FIGN: variants seen among roughly 807,000 people sequenced by gnomAD.
The protein encoded by FIGN is fidgetin.
A neutral mutation model predicts 51.3 loss-of-function variants in FIGN; 11 were observed. The observed-to-expected ratio is 0.21, with a 90% CI of 0.13 to 0.35. The LOEUF is 0.35. Ranked by LOEUF, FIGN falls within the 10% of genes least tolerant of loss-of-function variation. The probability of loss-of-function intolerance (pLI) is 1.00; values close to 1 mark genes in which losing one functional copy is unlikely to be tolerated. For synonymous variants in FIGN, 407 were observed against 363.2 expected (o/e 1.12, Z -1.37); for missense variants, 857 against 943.6 (o/e 0.91, Z 1.20).
intron 2 of FIGN, among the ~76,000 whole-genome samples, chr2:163,659,331 T>A (rs1683614132): frequency 6.6e-6 from 1 of 152,178 alleles, no homozygotes; most frequent in Admixed American, 6.5e-5. Flanking sequence ...ATAATTGAGA[T>A]GAGCTAATAT....
At chr2:163,639,484 G>A (rs1683275586) in intron 2 of FIGN, among the ~76,000 whole-genome samples, 1 of 151,984 alleles carries the variant, frequency 6.6e-6, no homozygotes, top group Non-Finnish European at 1.5e-5. Flanking sequence ...TTTTTACAGG[G>A]GAAAAAAATT....
chr2:163,657,534 A>ATGTGTG (rs1683581525), intron 2 of FIGN, among the ~76,000 whole-genome samples: 3 of 95,958 alleles, frequency 3.1e-5, no homozygotes, highest in African/African-American at 7.0e-5. Context: ...GTGTGTGTGC[A>ATGTGTG]TGCACATGAG....
At chr2:163,710,300 C>T (rs568399384) in intron 2 of FIGN, among the ~76,000 whole-genome samples, 1 of 152,222 alleles carries the variant, frequency 6.6e-6, no homozygotes, top group East Asian at 1.9e-4. Context: ...GAAAAAAATA[C>T]AAAGTAAGAT....
chr2:163,610,569 C>G lies in FIGN; in HGVS notation c.1263G>C (p.Lys421Asn), dbSNP rs190208457. 6.2e-7 allele frequency: 1 copy of G among 1,614,172 alleles called. No individual in the cohort carries two copies. Among genetic ancestry groups the G allele is most frequent in the African/African-American group, 1.3e-5 (1 of 75,030 alleles). Residue 421 changes from lysine (K) to asparagine (N), a missense_variant, in exon 3 of 3, where the codon AAG becomes AAC. This residue lies in a region of FIGN where 799 missense variants were observed against 849.5 expected (regional missense o/e 0.94). Coordinates refer to ENST00000333129, the MANE Select transcript of FIGN (RefSeq NM_018086.4). The part of the protein sequence containing the change: ...LGSRSSESFG[K>N]YTSPVMSEHG... ...GCTCACTCATTACTGGCGATGTGTA[C>G]TTCCCAAAGGATTCACTGGATCTTG... is the stretch of plus-strand genomic sequence containing the variant.
At chr2:163,699,681 A>G (rs914099102) in intron 2 of FIGN, among the ~76,000 whole-genome samples, 3 of 152,192 alleles carry the variant, frequency 2.0e-5, no homozygotes, top group African/African-American at 7.2e-5. Context: ...CTTAAGGTTC[A>G]ATTAAAGTTT....
chr2:163,659,673 A>G (rs1402167682), intron 2 of FIGN, among the ~76,000 whole-genome samples: 1 of 152,248 alleles, frequency 6.6e-6, no homozygotes, highest in African/African-American at 2.4e-5. Context: ...AAGTGAAAGA[A>G]TAGGCTAACT....
chr2:163,731,035 T>C (rs183122883), intron 2 of FIGN, among the ~76,000 whole-genome samples: 2 of 152,222 alleles, frequency 1.3e-5, no homozygotes, highest in East Asian at 1.9e-4. Flanking sequence ...TTGTTTCAAA[T>C]ACATCTAGTA....
At chr2:163,629,126 G>A (rs1683102472) in intron 2 of FIGN, among the ~76,000 whole-genome samples, 2 of 152,164 alleles carry the variant, frequency 1.3e-5, no homozygotes, top group East Asian at 3.9e-4. Flanking sequence ...GAGAGAAAGT[G>A]TGTAGAATGA....
At chr2:163,724,331 G>A (rs563918351) in intron 2 of FIGN, among the ~76,000 whole-genome samples, 20 of 152,186 alleles carry the variant, frequency 1.3e-4, no homozygotes, top group African/African-American at 4.6e-4. Flanking sequence ...AGTATATTCA[G>A]TTCTGAATAG....
At chr2:163,730,041 C>A (rs1039599816) in intron 2 of FIGN, among the ~76,000 whole-genome samples, 1 of 152,204 alleles carries the variant, frequency 6.6e-6, no homozygotes, top group African/African-American at 2.4e-5. Flanking sequence ...CTACTGTTGT[C>A]AACAGGTACT....
chr2:163,691,133 T>C (rs1684233220), intron 2 of FIGN, among the ~76,000 whole-genome samples: 1 of 152,120 alleles, frequency 6.6e-6, no homozygotes, highest in Non-Finnish European at 1.5e-5. Context: ...TTAAGAACAC[T>C]GTGCACTTTG....
intron 2 of FIGN, among the ~76,000 whole-genome samples, chr2:163,635,634 A>T (rs1683212453): frequency 6.6e-6 from 1 of 152,180 alleles, no homozygotes; most frequent in Admixed American, 6.5e-5. Flanking sequence ...TGTAAGTAGG[A>T]TTTAAAATTT....
At chr2:163,690,723 G>T (rs1184168874) in intron 2 of FIGN, among the ~76,000 whole-genome samples, 3 of 152,102 alleles carry the variant, frequency 2.0e-5, no homozygotes, top group Admixed American at 6.6e-5. Context: ...ATATATAAAA[G>T]ATTATTTTAT....
At chr2:163,699,808 T>C (rs1297239857) in intron 2 of FIGN, among the ~76,000 whole-genome samples, 1 of 152,160 alleles carries the variant, frequency 6.6e-6, no homozygotes, top group Non-Finnish European at 1.5e-5. Context: ...TTTAGTATAC[T>C]AGAGGGACCT....
rs757924225 is a variant in FIGN at position 163,611,654 on chromosome 2, A to T, written c.178T>A (p.Ser60Thr). Residue 60 changes from serine (S) to threonine (T), a missense_variant, in exon 3 of 3, where the codon TCT becomes ACT. Physicochemically the swap from Ser to Thr is moderately conservative, Grantham distance 58 (BLOSUM62 1). Transcript: ENST00000333129. ...YQYAWANDDI[S>T]ALTASNLLKK... ...AGTAGGTTGGATGCAGTCAGAGCAG[A>T]TATGTCATCATTCGCCCAGGCGTAC... 1.9e-6 allele frequency: 3 copies of T among 1,614,196 alleles called. No homozygotes were observed. In the South Asian group the frequency reaches 3.3e-5, roughly 18 times the overall value.
At chr2:163,655,151 C>T (rs1192084532) in intron 2 of FIGN, among the ~76,000 whole-genome samples, 1 of 151,804 alleles carries the variant, frequency 6.6e-6, no homozygotes, top group African/African-American at 2.4e-5. Context: ...TACAGTATTT[C>T]GGGCCATGAC....
chr2:163,727,414 G>A lies in FIGN; in HGVS notation c.25+7489C>T, dbSNP rs929350733. Among the ~76,000 whole-genome samples the A allele has an allele frequency of 3.3e-5, 5 of 151,796 alleles. No homozygotes were observed. The South Asian group carries it at 1.0e-3, about 32-fold the overall frequency. On this transcript the variant is annotated intron_variant, in intron 2 of 2. Transcript: ENST00000333129. ...AAAAAAAAATATTCCTAAACTGTGG[G>A]GTAAATTTTTACTTAAATGGGACAC... is the stretch of plus-strand genomic sequence containing the variant.
rs1691102835 is a variant in FIGN at position 163,605,964 on chromosome 2, T to C, written c.*3588A>G. The C allele has an allele frequency of 6.6e-6, 1 of 152,000 alleles. No homozygotes were observed. Among genetic ancestry groups the C allele is most frequent in the African/African-American group, 2.4e-5 (1 of 41,404 alleles). 9.4% of individuals were successfully genotyped at this position (152,000 alleles called of 1,614,324 possible). ...CCAAGTACTATGCAACCCATGTAAA[T>C]TGACCTTGCTATTTTACATAGCATA... On this transcript the variant is annotated 3_prime_UTR_variant, in exon 3 of 3. Transcript: ENST00000333129.
At chr2:163,678,396 T>G (rs1435931379) in intron 2 of FIGN, among the ~76,000 whole-genome samples, 1 of 152,050 alleles carries the variant, frequency 6.6e-6, no homozygotes, top group Non-Finnish European at 1.5e-5. Flanking sequence ...AATTTTTGTA[T>G]TTTTAGTAGA....
Sources: allele counts gnomAD v4.1 joint callset (sites outside exome capture counted in the v4.1 genomes callset), GRCh38; gene constraint gnomAD v4.1.1; regional missense constraint gnomAD v4.1.1; transcripts MANE v1.5; gene names NCBI Gene and HGNC (gene_info 2026-07-23, HGNC 2026-07-21).